Variants in AP1M1 observed in about 807,000 individuals in gnomAD.
The protein encoded by AP1M1 is adaptor related protein complex 1 subunit mu 1.
In AP1M1, 18 loss-of-function variants were observed where a neutral mutation model predicts 57.1. The observed-to-expected ratio is 0.32, with a 90% CI of 0.22 to 0.47. The LOEUF (loss-of-function observed/expected upper bound fraction) is 0.47, where lower values mean the gene tolerates loss of function less well. Among genes scored for constraint, AP1M1 ranks in the 20% least tolerant of loss-of-function variants. AP1M1 has a pLI of 1.00. For missense variants in AP1M1, 362 were observed against 593.5 expected (o/e 0.61, Z 4.05); for synonymous variants, 241 against 237.9 (o/e 1.01, Z -0.12).
chr19:16,206,347 C>T lies in AP1M1; in HGVS notation c.206C>T (p.Ala69Val). 2 of 1,614,146 alleles carry T rather than the reference C, an allele frequency of 1.2e-6. No homozygotes were observed. Among genetic ancestry groups the T allele is most frequent in the Non-Finnish European group, 8.5e-7 (1 of 1,180,002 alleles). The part of the protein sequence containing the change: ...WIKHNNLYLV[A>V]TSKKNACVSL... ...AACTGTGGCCGCCATGCAGTGGTTG[C>T]CACATCCAAGAAGAACGCGTGCGTG... Residue 69 changes from alanine to valine, a missense_variant, in exon 3 of 12, where the codon GCC becomes GTC. Physicochemically the swap from Ala to Val is moderately conservative, Grantham distance 64 (BLOSUM62 0). Around this residue, in one of 2 missense-constraint regions of AP1M1, gnomAD observed 337 missense variants for 511.1 expected, o/e 0.66. Transcript: ENST00000291439. The surrounding 1 kb of genome is among the most constrained non-coding windows in gnomAD (Gnocchi z 4.3).
intron 5 of AP1M1, among the ~76,000 whole-genome samples, chr19:16,217,446 A>G (rs1391610622): frequency 6.6e-6 from 1 of 152,104 alleles, no homozygotes; most frequent in Non-Finnish European, 1.5e-5. Flanking sequence ...GTGGGCAAGA[A>G]CCTGCAGGCA....
At chr19:16,229,868 G>A (rs573514915) in intron 9 of AP1M1, among the ~76,000 whole-genome samples, 30 of 152,242 alleles carry the variant, frequency 2.0e-4, no homozygotes, top group African/African-American at 6.5e-4. Context: ...GCCCTTCCAC[G>A]TGGCGCTGCG....
intron 5 of AP1M1, among the ~76,000 whole-genome samples, chr19:16,209,492 G>A (rs767419967): frequency 2.0e-4 from 30 of 152,060 alleles, no homozygotes; most frequent in East Asian, 5.8e-4. Context: ...CACCACGCTC[G>A]GCTAAAGCTT....
chr19:16,199,730 G>A lies in AP1M1; in HGVS notation c.42+1662G>A, dbSNP rs1345849126. Reference sequence around the variant, plus strand: ...CTTCTTGGAAGGAGGGAAGACACCCGTCTTAGAGCACGCCAGGGGCTGGGT... The same window carrying A: ...CTTCTTGGAAGGAGGGAAGACACCCATCTTAGAGCACGCCAGGGGCTGGGT... On this transcript the variant is annotated intron_variant, in intron 1 of 11. Transcript: ENST00000291439. 4.6e-5 allele frequency among the ~76,000 whole-genome samples: 7 copies of A among 152,264 alleles called. No homozygotes were observed. In the East Asian group the frequency reaches 7.7e-4, roughly 17 times the overall value.
intron 5 of AP1M1, among the ~76,000 whole-genome samples, chr19:16,219,664 C>T (rs1157637829): frequency 6.6e-6 from 1 of 152,156 alleles, no homozygotes; most frequent in Non-Finnish European, 1.5e-5. Context: ...TTCCAAAGTG[C>T]TGGGGGAATT....
chr19:16,211,152 G>A (rs531238939), intron 5 of AP1M1, among the ~76,000 whole-genome samples: 29 of 604 alleles, frequency 0.048, 1 homozygote, highest in South Asian at 0.3. Flanking sequence ...TGTAGTACAA[G>A]TGGCATGCTT....
chr19:16,231,730 G>T (rs549132767), intron 9 of AP1M1, among the ~76,000 whole-genome samples: 2 of 152,330 alleles, frequency 1.3e-5, no homozygotes, highest in East Asian at 3.9e-4. Context: ...TGTGAATAAT[G>T]CTGCTGTGAA....
At position 16,228,671 on chromosome 19, in the gene AP1M1, G is replaced by A; in HGVS notation, c.889-99G>A. On this transcript the variant is annotated intron_variant, in intron 8 of 11. Transcript: ENST00000291439. The surrounding 1 kb of genome is among the most constrained non-coding windows in gnomAD (Gnocchi z 5.0). ...AAGTGGGGCCAGGGGCGGGGCTAGG[G>A]AGGATCCCCCGGGCCAGGCTGAGGG... The A allele has an allele frequency of 7.1e-7, 1 of 1,413,886 alleles. No homozygotes were observed. Among genetic ancestry groups the A allele is most frequent in the Non-Finnish European group, 9.7e-7 (1 of 1,025,642 alleles). The allele number at this position is 1,413,886 out of a possible 1,614,324, so 87.6% of individuals were successfully genotyped here.
chr19:16,243,432 C>CTTTTTTTTTTTTTT lies in AP1M1; in HGVS notation c.*8998_*8999insTTTTTTTTTTTTTT, dbSNP rs550578052. 2.4e-5 allele frequency: 3 copies of CTTTTTTTTTTTTTT among 124,318 alleles called. No individual in the cohort carries two copies. Among genetic ancestry groups the CTTTTTTTTTTTTTT allele is most frequent in the Non-Finnish European group, 3.3e-5 (2 of 60,818 alleles). 7.7% of individuals were successfully genotyped at this position (124,318 alleles called of 1,614,324 possible). ...TACAGGTGAGCACCACCAAGCTCAG[C>CTTTTTTTTTTTTTT]TATTTTTTTTTTTTTTTTGTATTTT... On this transcript the variant is annotated 3_prime_UTR_variant, in exon 12 of 12. Coordinates refer to ENST00000291439, the MANE Select transcript of AP1M1 (RefSeq NM_032493.4).
At chr19:16,218,625 C>T (rs1206907958) in intron 5 of AP1M1, among the ~76,000 whole-genome samples, 1 of 152,228 alleles carries the variant, frequency 6.6e-6, no homozygotes, top group Non-Finnish European at 1.5e-5. Flanking sequence ...CACCTGTCTG[C>T]ACAGTGTCCC....
rs1047516597 is a variant in AP1M1 at position 16,203,297 on chromosome 19, G to T, written c.43-162G>T. ...TGCTCTTCTCCAGGAATTCCCTGGG[G>T]GATGGAGATCAGAACGGCCTCAAGT... On this transcript the variant is annotated intron_variant, in intron 1 of 11. Coordinates refer to ENST00000291439, the MANE Select transcript of AP1M1 (RefSeq NM_032493.4). This position sits in a 1 kb window ranked among gnomAD's most constrained non-coding sequence, Gnocchi z 4.6. Among the ~76,000 whole-genome samples the T allele has an allele frequency of 6.6e-6, 1 of 152,210 alleles. No homozygotes were observed. Among genetic ancestry groups the T allele is most frequent in the South Asian group, 2.1e-4 (1 of 4,832 alleles).
intron 5 of AP1M1, among the ~76,000 whole-genome samples, chr19:16,215,887 T>G (rs2091517325): frequency 6.6e-6 from 1 of 152,224 alleles, no homozygotes; most frequent in Non-Finnish European, 1.5e-5. Context: ...TTCTCTATTC[T>G]CATCTGACTG....
chr19:16,216,788 G>T (rs2091520811), intron 5 of AP1M1, among the ~76,000 whole-genome samples: 2 of 152,212 alleles, frequency 1.3e-5, no homozygotes, highest in African/African-American at 4.8e-5. Context: ...GCTCCTTCAG[G>T]TTAAGAACCT....
rs1200659613 is a variant in AP1M1, at chr19:16,227,110, G to A, written c.674-438G>A. Among the ~76,000 whole-genome samples, 2 of 152,136 alleles carry A rather than the reference G, an allele frequency of 1.3e-5. No homozygotes were observed. Among genetic ancestry groups the A allele is most frequent in the Non-Finnish European group, 2.9e-5 (2 of 67,980 alleles). Reference sequence around the variant, plus strand: ...GCTTCTCGGGCATCAGTCTATCAGGGCAGCTCCCCGCCTGGGGCTGGGCAG... The same window carrying A: ...GCTTCTCGGGCATCAGTCTATCAGGACAGCTCCCCGCCTGGGGCTGGGCAG... On this transcript the variant is annotated intron_variant, in intron 6 of 11. Coordinates refer to ENST00000291439, the MANE Select transcript of AP1M1 (RefSeq NM_032493.4). This position sits in a 1 kb window ranked among gnomAD's most constrained non-coding sequence, Gnocchi z 6.2.
At chr19:16,222,688 G>C (rs1002655168) in intron 5 of AP1M1, among the ~76,000 whole-genome samples, 4 of 151,928 alleles carry the variant, frequency 2.6e-5, no homozygotes, top group Admixed American at 2.6e-4. Context: ...GCTCACTGCA[G>C]CCTCAACCTC....
Position 16,238,604 on chromosome 19 carries a change from C to T in AP1M1, c.*4169C>T, listed in dbSNP as rs753804031. 1 of 152,084 alleles carries T rather than the reference C, an allele frequency of 6.6e-6. No homozygotes were observed. Among genetic ancestry groups the T allele is most frequent in the Non-Finnish European group, 1.5e-5 (1 of 68,028 alleles). 9.4% of individuals were successfully genotyped at this position (152,084 alleles called of 1,614,324 possible). On this transcript the variant is annotated 3_prime_UTR_variant, in exon 12 of 12. Transcript: ENST00000291439. ...CTTGAGAATTTGAAAAAATTCACAT[C>T]CCTGGTTATCTCTGAAAGGCAAAAA...
In AP1M1 at chr19:16,241,610, A is replaced by C. The variant is rs1009888094; in HGVS notation, c.*7175A>C. On this transcript the variant is annotated 3_prime_UTR_variant, in exon 12 of 12. Coordinates refer to ENST00000291439, the MANE Select transcript of AP1M1 (RefSeq NM_032493.4). Reference sequence around the variant, plus strand: ...TAAAGTCCACGAGGGCCACGTATTTATATATAATTTCTAGACCAGTGGTTG... The same window carrying C: ...TAAAGTCCACGAGGGCCACGTATTTCTATATAATTTCTAGACCAGTGGTTG... The C allele has an allele frequency of 2.0e-5, 3 of 151,960 alleles. No individual in the cohort carries two copies. Among genetic ancestry groups the C allele is most frequent in the African/African-American group, 7.2e-5 (3 of 41,398 alleles). 9.4% of individuals were successfully genotyped at this position (151,960 alleles called of 1,614,324 possible). A position where few individuals can be genotyped will look rare whatever the true frequency, so the allele number is the denominator to read the frequency against.
In AP1M1 at chr19:16,216,531, T is replaced by G. The variant is rs572612315; in HGVS notation, c.546+7354T>G. Among the ~76,000 whole-genome samples, 54 of 152,358 alleles carry G rather than the reference T, an allele frequency of 3.5e-4. 1 individual carries two copies. The South Asian group carries it at 9.5e-3, about 27-fold the overall frequency. ...TGGTTATTTGAGTTGTCAAGAGTCC[T>G]TGTGCTCGTTCTTTCTCATTTTTGT... On this transcript the variant is annotated intron_variant, in intron 5 of 11. Coordinates refer to ENST00000291439, the MANE Select transcript of AP1M1 (RefSeq NM_032493.4).
intron 5 of AP1M1, 128 bp from the exon 6 acceptor site, chr19:16,226,293 A>G: frequency 1.5e-6 from 2 of 1,315,834 alleles, no homozygotes; most frequent in South Asian, 3.1e-5. Flanking sequence ...GGGGATGCCC[A>G]GGAGAGGGAT....
Sources: allele counts gnomAD v4.1 joint callset (sites outside exome capture counted in the v4.1 genomes callset), GRCh38; gene constraint gnomAD v4.1.1; regional missense constraint gnomAD v4.1.1; non-coding constraint Gnocchi (gnomAD v3.1); transcripts MANE v1.5; gene names NCBI Gene and HGNC (gene_info 2026-07-23, HGNC 2026-07-21).